UNC5C: variants seen among roughly 807,000 people sequenced by gnomAD.
UNC5C encodes the protein unc-5 netrin receptor C.
A neutral mutation model predicts 99.8 loss-of-function variants in UNC5C; 47 were observed. The ratio of observed to expected loss-of-function variants is 0.47; its 90% CI spans 0.37 to 0.60. The LOEUF is 0.60. UNC5C is among the 20% of genes least tolerant of loss of function. The probability of loss-of-function intolerance (pLI) is 0.00; values close to 1 mark genes in which losing one functional copy is unlikely to be tolerated. For synonymous variants in UNC5C, 487 were observed against 452.2 expected (o/e 1.08, Z -0.98); for missense variants, 1,062 against 1,165.9 (o/e 0.91, Z 1.30).
chr4:95,260,891 G>A (rs1313888348), intron 4 of UNC5C, among the ~76,000 whole-genome samples: 3 of 152,196 alleles, frequency 2.0e-5, no homozygotes, highest in Non-Finnish European at 4.4e-5. Context: ...CCAGCGAGGT[G>A]CTTTGTACTT....
chr4:95,196,575 C>A (rs981875752), intron 12 of UNC5C, among the ~76,000 whole-genome samples: 2 of 150,866 alleles, frequency 1.3e-5, no homozygotes, highest in African/African-American at 4.9e-5. Flanking sequence ...TTTCAGGTGA[C>A]CATTTTTGCC....
intron 1 of UNC5C, among the ~76,000 whole-genome samples, chr4:95,456,129 T>C (rs1402897629): frequency 2.6e-5 from 4 of 152,072 alleles, no homozygotes; most frequent in Admixed American, 6.6e-5. Context: ...CTCCCCTCAA[T>C]TGTATCTTTC....
intron 1 of UNC5C, among the ~76,000 whole-genome samples, chr4:95,527,108 T>C (rs919232060): frequency 2.0e-5 from 3 of 152,052 alleles, no homozygotes; most frequent in African/African-American, 7.2e-5. Flanking sequence ...TTTACCCTAT[T>C]CACAAACTTC....
chr4:95,517,507 A>G (rs1722248025), intron 1 of UNC5C, among the ~76,000 whole-genome samples: 1 of 152,204 alleles, frequency 6.6e-6, no homozygotes, highest in Non-Finnish European at 1.5e-5. Context: ...AACTTAAACA[A>G]AAAAGGATAA....
At chr4:95,527,957 A>G (rs962698453) in intron 1 of UNC5C, among the ~76,000 whole-genome samples, 5 of 152,190 alleles carry the variant, frequency 3.3e-5, no homozygotes, top group Non-Finnish European at 7.3e-5. Context: ...ATTCATGGGC[A>G]TCCTATACAC....
At chr4:95,329,285 G>A (rs1743021679) in intron 2 of UNC5C, among the ~76,000 whole-genome samples, 1 of 152,084 alleles carries the variant, frequency 6.6e-6, no homozygotes, top group African/African-American at 2.4e-5. Context: ...GGAAGACACT[G>A]TTTCCAGAAA....
rs553004858 is a variant in UNC5C at position 95,335,064 on chromosome 4, G to A, written c.346+346C>T. On this transcript the variant is annotated intron_variant, in intron 2 of 15. Coordinates refer to ENST00000453304, the MANE Select transcript of UNC5C (RefSeq NM_003728.4). ...AAGTTAAAAATGCTCCCCAGATCTC[G>A]GGATATTTAGATCTGACTACCACGC... 7.2e-5 allele frequency among the ~76,000 whole-genome samples: 11 copies of A among 152,006 alleles called. No individual in the cohort carries two copies. In the South Asian group the frequency reaches 1.5e-3, roughly 20 times the overall value.
At chr4:95,387,240 G>A (rs1470327442) in intron 1 of UNC5C, among the ~76,000 whole-genome samples, 1 of 152,040 alleles carries the variant, frequency 6.6e-6, no homozygotes, top group African/African-American at 2.4e-5. Flanking sequence ...CCTGGCTCAA[G>A]CCATCCTCCC....
chr4:95,540,182 A>C (rs1405849939), intron 1 of UNC5C, among the ~76,000 whole-genome samples: 1 of 152,164 alleles, frequency 6.6e-6, no homozygotes, highest in East Asian at 1.9e-4. Context: ...AACTTCTTAC[A>C]AGTTTATACC....
chr4:95,518,920 A>T (rs1170970968), intron 1 of UNC5C, among the ~76,000 whole-genome samples: 2 of 152,178 alleles, frequency 1.3e-5, no homozygotes, highest in African/African-American at 4.8e-5. Flanking sequence ...GAATAAAGTT[A>T]AAGTATTACT....
chr4:95,362,471 G>A (rs191919981), intron 1 of UNC5C, among the ~76,000 whole-genome samples: 340 of 152,318 alleles, frequency 2.2e-3, no homozygotes, highest in Non-Finnish European at 3.5e-3. Context: ...GCACAGCTGA[G>A]AGATGGAGCA....
chr4:95,407,431 C>T (rs371799159), intron 1 of UNC5C, among the ~76,000 whole-genome samples: 7 of 151,920 alleles, frequency 4.6e-5, no homozygotes, highest in African/African-American at 1.4e-4. Flanking sequence ...GCAGAGAAAT[C>T]GCAGGTGGAC....
intron 3 of UNC5C, among the ~76,000 whole-genome samples, chr4:95,281,684 G>C (rs1431649970): frequency 6.6e-6 from 1 of 152,176 alleles, no homozygotes; most frequent in African/African-American, 2.4e-5. Context: ...TTGTTAACTT[G>C]GTACAAACAC....
At chr4:95,248,273 C>A in intron 5 of UNC5C, 2 of 250,154 alleles carry the variant, frequency 8.0e-6, no homozygotes, top group Admixed American at 5.2e-5. Flanking sequence ...AGGAGAAAAA[C>A]ATGTAAATTT....
chr4:95,392,615 T>A (rs1381345604), intron 1 of UNC5C, among the ~76,000 whole-genome samples: 1 of 151,908 alleles, frequency 6.6e-6, no homozygotes, highest in Non-Finnish European at 1.5e-5. Context: ...TAAAACTTTT[T>A]TTTTTAGAGA....
At chr4:95,520,592 T>G (rs1453015423) in intron 1 of UNC5C, among the ~76,000 whole-genome samples, 2 of 136,066 alleles carry the variant, frequency 1.5e-5, no homozygotes, top group Non-Finnish European at 3.1e-5. Context: ...AAAAACTATC[T>G]AGTATTTTTT....
At chr4:95,402,282 T>A (rs1359546580) in intron 1 of UNC5C, among the ~76,000 whole-genome samples, 1 of 152,236 alleles carries the variant, frequency 6.6e-6, no homozygotes, top group Non-Finnish European at 1.5e-5. Context: ...ATTCATCAGA[T>A]GTACATTTTC....
At chr4:95,469,560 G>A (rs1747901578) in intron 1 of UNC5C, among the ~76,000 whole-genome samples, 1 of 139,424 alleles carries the variant, frequency 7.2e-6, no homozygotes, top group Non-Finnish European at 1.5e-5. Context: ...TGCAGTGACG[G>A]TTTCACATAT....
intron 1 of UNC5C, among the ~76,000 whole-genome samples, chr4:95,543,081 T>C (rs933975462): frequency 6.6e-6 from 1 of 152,080 alleles, no homozygotes; most frequent in Non-Finnish European, 1.5e-5. Context: ...AGCTAAGAGA[T>C]ACTGGAATAA....
Sources: gnomAD v4.1 joint callset for allele counts (sites outside exome capture counted in the v4.1 genomes callset) on GRCh38, gnomAD v4.1.1 for gene constraint, MANE v1.5 for transcripts, NCBI Gene and HGNC (gene_info 2026-07-23, HGNC 2026-07-21) for gene names.